Variants in PLEKHA5 observed in about 807,000 individuals in gnomAD.
PLEKHA5 encodes the protein pleckstrin homology domain-containing family A member 5.
A neutral mutation model predicts 181.9 loss-of-function variants in PLEKHA5; 55 were observed. The ratio of observed to expected loss-of-function variants is 0.30; its 90% CI spans 0.24 to 0.38. The LOEUF is 0.38. Among genes scored for constraint, PLEKHA5 ranks in the 10% least tolerant of loss-of-function variants. The pLI, the probability that PLEKHA5 is intolerant of heterozygous loss-of-function variation, is 1.00. For missense variants in PLEKHA5, 1,432 were observed against 1,549.5 expected (o/e 0.92, Z 1.27); for synonymous variants, 535 against 529.4 (o/e 1.01, Z -0.15).
At chr12:19,244,893 T>C (rs1255794675) in intron 3 of PLEKHA5, among the ~76,000 whole-genome samples, 1 of 152,154 alleles carries the variant, frequency 6.6e-6, no homozygotes, top group Non-Finnish European at 1.5e-5. Context: ...CAATATTCTT[T>C]TAAAAAAGCA....
At chr12:19,354,181 T>C (rs1166362662) in intron 26 of PLEKHA5, among the ~76,000 whole-genome samples, 179 bp downstream of exon 26, 3 of 104,342 alleles carry the variant, frequency 2.9e-5, no homozygotes, top group Non-Finnish European at 5.6e-5. Flanking sequence ...AGACGGAGTC[T>C]CGCTCTGTCG....
intron 23 of PLEKHA5, 27 bp from the exon 24 acceptor site, chr12:19,346,967 A>G: frequency 1.4e-6 from 2 of 1,472,902 alleles, no homozygotes; most frequent in East Asian, 2.5e-5. Flanking sequence ...GCTTATCTAA[A>G]TAAGGTGACT....
rs779360545 is a variant in PLEKHA5, at chr12:19,338,607, CA to C, written c.2550+2003del. 5.0e-3 allele frequency among the ~76,000 whole-genome samples: 645 copies of C among 129,924 alleles called. 3 individuals carry two copies. The highest frequency in any genetic ancestry group is 7.9e-3 in the Non-Finnish European group (473 of 60,214). The allele number at this position is 129,924 out of a possible 152,430, so 85.2% of individuals were successfully genotyped here. ...TGGGCGACAAAGGGAGACTCTGTCT[CA>C]AAAAAAAAAAACACAAAGTGCTGAG... On this transcript the variant is annotated intron_variant, in intron 21 of 31. Coordinates refer to ENST00000429027, the MANE Select transcript of PLEKHA5 (RefSeq NM_001256470.2).
At chr12:19,288,685 A>G (rs961702441) in intron 13 of PLEKHA5, among the ~76,000 whole-genome samples, 1 of 152,234 alleles carries the variant, frequency 6.6e-6, no homozygotes, top group Non-Finnish European at 1.5e-5. Flanking sequence ...TTATTTGCCA[A>G]AGATTATTTG....
chr12:19,287,800 C>G (rs549555185), intron 13 of PLEKHA5, among the ~76,000 whole-genome samples: 1 of 152,096 alleles, frequency 6.6e-6, no homozygotes, highest in Admixed American at 6.6e-5. Flanking sequence ...ACTTTATGGC[C>G]GGGCACGGTG....
chr12:19,375,894 T>C lies in PLEKHA5; in HGVS notation c.*375T>C, dbSNP rs2095699597. 6.6e-6 allele frequency: 1 copy of C among 151,712 alleles called. No homozygotes were observed. Among genetic ancestry groups the C allele is most frequent in the Non-Finnish European group, 1.5e-5 (1 of 67,822 alleles). The allele number at this position is 151,712 out of a possible 1,614,324, so 9.4% of individuals were successfully genotyped here. Reference sequence around the variant, plus strand: ...TATATATATATTTTTTTGCTTTTCATTTTCTAAAGTTAGTTATTATTTCCA... The same window carrying C: ...TATATATATATTTTTTTGCTTTTCACTTTCTAAAGTTAGTTATTATTTCCA... On this transcript the variant is annotated 3_prime_UTR_variant, in exon 32 of 32. Transcript: ENST00000429027.
At chr12:19,196,089 T>C (rs1187384465) in intron 3 of PLEKHA5, among the ~76,000 whole-genome samples, 1 of 152,200 alleles carries the variant, frequency 6.6e-6, no homozygotes, top group African/African-American at 2.4e-5. Context: ...TTGAACAGTA[T>C]TTTATTGAGT....
chr12:19,253,188 C>T (rs1450636808), intron 3 of PLEKHA5, among the ~76,000 whole-genome samples: 1 of 149,234 alleles, frequency 6.7e-6, no homozygotes, highest in Non-Finnish European at 1.5e-5. Context: ...GATTCTCCTG[C>T]CTCAGCCTCC....
At position 19,348,390 on chromosome 12, in the gene PLEKHA5, C is replaced by T; in HGVS notation, c.2899-9C>T. On this transcript the variant is annotated splice_polypyrimidine_tract_variant and intron_variant, in intron 24 of 31. Transcript: ENST00000429027. ...GTTTTTTAGGGTAATTACATGTCTT[C>T]CTTTCAAGGGTCCAGATTATAGACT... 1.9e-6 allele frequency: 3 copies of T among 1,566,564 alleles called. No individual in the cohort carries two copies. The highest frequency in any genetic ancestry group is 2.3e-5 in the East Asian group (1 of 43,444).
chr12:19,165,437 A>AT (rs34453037), intron 3 of PLEKHA5, among the ~76,000 whole-genome samples: 29 of 144,988 alleles, frequency 2.0e-4, no homozygotes, highest in African/African-American at 5.7e-4. Flanking sequence ...TGTGTACTCT[A>AT]TTTTTTTTTT....
chr12:19,330,025 C>T (rs1006065756), intron 20 of PLEKHA5, among the ~76,000 whole-genome samples: 3 of 151,970 alleles, frequency 2.0e-5, no homozygotes, highest in Admixed American at 6.6e-5. Context: ...AGAGAGGTCC[C>T]GGACAACAAA....
intron 10 of PLEKHA5, among the ~76,000 whole-genome samples, chr12:19,273,465 C>T (rs75795154): frequency 0.012 from 1,815 of 151,986 alleles, 23 homozygotes; most frequent in Middle Eastern, 0.027. Context: ...CCTTTCCACA[C>T]GTCATAAACA....
intron 21 of PLEKHA5, among the ~76,000 whole-genome samples, chr12:19,336,949 G>C (rs1431115709): frequency 6.7e-6 from 1 of 149,566 alleles, no homozygotes; most frequent in African/African-American, 2.5e-5. Flanking sequence ...TGAATTATAT[G>C]GATTTATCAA....
intron 3 of PLEKHA5, among the ~76,000 whole-genome samples, chr12:19,247,240 A>T (rs11044461): frequency 1.3e-5 from 2 of 152,040 alleles, no homozygotes; most frequent in Non-Finnish European, 2.9e-5. Context: ...GAAACCTGTC[A>T]CTTAAAGTTG....
In PLEKHA5 at chr12:19,376,055, C is replaced by T. The variant is rs2095701601; in HGVS notation, c.*536C>T. Reference sequence around the variant, plus strand: ...TGCTAAGTGAAGTATGTCCTGTTTTCTGCTATAATTCTTTCTCGGTCAGAT... The same window carrying T: ...TGCTAAGTGAAGTATGTCCTGTTTTTTGCTATAATTCTTTCTCGGTCAGAT... On this transcript the variant is annotated 3_prime_UTR_variant, in exon 32 of 32. Coordinates refer to ENST00000429027, the MANE Select transcript of PLEKHA5 (RefSeq NM_001256470.2). The T allele has an allele frequency of 6.7e-6, 1 of 150,090 alleles. No individual in the cohort carries two copies. Among genetic ancestry groups the T allele is most frequent in the African/African-American group, 2.5e-5 (1 of 40,656 alleles). 9.3% of individuals were successfully genotyped at this position (150,090 alleles called of 1,614,324 possible). A position where few individuals can be genotyped will look rare whatever the true frequency, so the allele number is the denominator to read the frequency against.
chr12:19,230,511 G>A (rs1001696066), intron 3 of PLEKHA5, among the ~76,000 whole-genome samples: 7 of 152,214 alleles, frequency 4.6e-5, no homozygotes, highest in African/African-American at 7.2e-5. Flanking sequence ...CTGTGGGGAA[G>A]CAGCTGAGGC....
intron 21 of PLEKHA5, among the ~76,000 whole-genome samples, chr12:19,337,770 G>A (rs1252127318): frequency 2.0e-5 from 3 of 151,960 alleles, no homozygotes; most frequent in Admixed American, 6.6e-5. Flanking sequence ...GACCAACATG[G>A]GGAAACCCCA....
At chr12:19,265,392 G>A (rs1389972789) in intron 7 of PLEKHA5, among the ~76,000 whole-genome samples, 1 of 152,180 alleles carries the variant, frequency 6.6e-6, no homozygotes, top group Non-Finnish European at 1.5e-5. Flanking sequence ...TCATTGATGA[G>A]ACCTTTGAGC....
chr12:19,205,987 C>G (rs2055389756), intron 3 of PLEKHA5, among the ~76,000 whole-genome samples: 1 of 152,024 alleles, frequency 6.6e-6, no homozygotes, highest in Non-Finnish European at 1.5e-5. Context: ...ATCATATAAA[C>G]TATTCTAAAA....
Sources: allele counts gnomAD v4.1 joint callset (sites outside exome capture counted in the v4.1 genomes callset), GRCh38; gene constraint gnomAD v4.1.1; transcripts MANE v1.5; gene names NCBI Gene and HGNC (gene_info 2026-07-23, HGNC 2026-07-21).